Variants in FAM193A observed in about 807,000 individuals in gnomAD.
FAM193A encodes family with sequence similarity 193 member A, also known as protein FAM193A.
Under a neutral mutation model 126.5 loss-of-function variants are expected in FAM193A, and 22 were observed. The observed-to-expected ratio is 0.17, with a 90% CI of 0.12 to 0.25. FAM193A has a LOEUF of 0.25. Ranked by LOEUF, FAM193A falls within the 10% of genes least tolerant of loss-of-function variation. The pLI is 1.00. For missense variants in FAM193A, 1,675 were observed against 1,672.8 expected, an observed-to-expected ratio of 1.00 and a Z score of -0.02; for synonymous variants, 761 against 646.8, an observed-to-expected ratio of 1.18 and a Z score of -2.68.
intron 2 of FAM193A, among the ~76,000 whole-genome samples, chr4:2,602,959 C>A (rs999564288): frequency 2.4e-5 from 1 of 42,292 alleles, no homozygotes; most frequent in African/African-American, 1.2e-4. Flanking sequence ...TGCACCCGGC[C>A]TTTTTTTTTT....
At chr4:2,596,368 T>C (rs1577054536) in intron 2 of FAM193A, 39 bp downstream of exon 2, 4 of 690,542 alleles carry the variant, frequency 5.8e-6, no homozygotes, top group African/African-American at 1.8e-5. Context: ...GGGCGTTGGC[T>C]CCCCCCGCCC....
intron 1 of FAM193A, among the ~76,000 whole-genome samples, chr4:2,545,937 C>T (rs1737518431): frequency 6.6e-6 from 1 of 152,088 alleles, no homozygotes; most frequent in East Asian, 1.9e-4. Context: ...ATTATGAGGT[C>T]AGGAGTTTGA....
chr4:2,657,779 CTGTTTTTTA>C lies in FAM193A; in HGVS notation c.1312-23_1312-15del. The C allele has an allele frequency of 6.5e-7, 1 of 1,535,484 alleles. No homozygotes were observed. Among genetic ancestry groups the C allele is most frequent in the Non-Finnish European group, 8.8e-7 (1 of 1,134,812 alleles). ...AGGTATTAAAGTTTTTCTTTTTTTT[CTGTTTTTTA>C]CATCCCCTTACTAGATGACAATGAA... On this transcript the variant is annotated splice_polypyrimidine_tract_variant and intron_variant, in intron 7 of 20. Coordinates refer to ENST00000637812, the MANE Select transcript of FAM193A (RefSeq NM_001366318.2).
At chr4:2,708,705 T>C (rs1342904485) in intron 19 of FAM193A, among the ~76,000 whole-genome samples, 13 of 152,068 alleles carry the variant, frequency 8.5e-5, no homozygotes, top group African/African-American at 3.1e-4. Context: ...TCAAGTGATC[T>C]GCCCTCCTTG....
intron 2 of FAM193A, among the ~76,000 whole-genome samples, chr4:2,617,783 A>G (rs1742301495): frequency 1.3e-5 from 2 of 152,144 alleles, no homozygotes; most frequent in East Asian, 1.9e-4. Flanking sequence ...TCTTACATGT[A>G]TTATACACCT....
chr4:2,597,460 C>T (rs1417535929), intron 2 of FAM193A, among the ~76,000 whole-genome samples: 1 of 152,168 alleles, frequency 6.6e-6, no homozygotes, highest in Non-Finnish European at 1.5e-5. Context: ...GTATTTTAGC[C>T]TGCCTCTGCC....
At chr4:2,652,381 G>T (rs957416802) in intron 7 of FAM193A, among the ~76,000 whole-genome samples, 1 of 152,168 alleles carries the variant, frequency 6.6e-6, no homozygotes, top group African/African-American at 2.4e-5. Context: ...TGGTGTATTA[G>T]TCCATTCTTG....
chr4:2,658,891 C>T (rs1473595355), intron 8 of FAM193A, among the ~76,000 whole-genome samples: 1 of 152,204 alleles, frequency 6.6e-6, no homozygotes, highest in Admixed American at 6.5e-5. Flanking sequence ...GCTGGGATTA[C>T]AGGTGCCAGC....
At chr4:2,635,030 T>A (rs1177014646) in intron 5 of FAM193A, among the ~76,000 whole-genome samples, 1 of 152,242 alleles carries the variant, frequency 6.6e-6, no homozygotes, top group Non-Finnish European at 1.5e-5. Context: ...GTGCTTTTTG[T>A]CTTAGAATAT....
At chr4:2,651,633 G>A (rs1745677886) in intron 7 of FAM193A, among the ~76,000 whole-genome samples, 1 of 152,170 alleles carries the variant, frequency 6.6e-6, no homozygotes, top group Admixed American at 6.5e-5. Flanking sequence ...GACATGTGGG[G>A]ATTACAGTTT....
intron 13 of FAM193A, among the ~76,000 whole-genome samples, chr4:2,683,796 C>A (rs367806139): frequency 1.3e-5 from 2 of 152,220 alleles, no homozygotes; most frequent in East Asian, 3.8e-4. Context: ...GGTGTTATAT[C>A]TTTCGAAACT....
intron 1 of FAM193A, among the ~76,000 whole-genome samples, chr4:2,589,584 T>C (rs1192536041): frequency 6.6e-6 from 1 of 152,230 alleles, no homozygotes; most frequent in Non-Finnish European, 1.5e-5. Context: ...CAGAAATTAT[T>C]TATCACAGAG....
intron 1 of FAM193A, among the ~76,000 whole-genome samples, chr4:2,577,460 T>A: frequency 7.0e-6 from 1 of 142,594 alleles, no homozygotes; most frequent in Non-Finnish European, 1.5e-5. Context: ...AGTCTGTCAC[T>A]CAAGCTGGAG....
chr4:2,688,947 A>G (rs1478593004), intron 13 of FAM193A, among the ~76,000 whole-genome samples: 3 of 152,266 alleles, frequency 2.0e-5, no homozygotes, highest in Non-Finnish European at 4.4e-5. Context: ...GGTGCCTTCA[A>G]CAATGGTCTG....
intron 2 of FAM193A, among the ~76,000 whole-genome samples, chr4:2,622,257 C>CAAAAAAAAAAAAAA (rs71178493): frequency 5.4e-5 from 3 of 55,546 alleles, no homozygotes; most frequent in African/African-American, 2.0e-4. Flanking sequence ...ACCCTGTCTC[C>CAAAAAAAAAAAAAA]AAAAAAAAAA....
chr4:2,541,446 C>CT (rs576194070), intron 1 of FAM193A, among the ~76,000 whole-genome samples: 4,040 of 137,820 alleles, frequency 0.029, 206 homozygotes, highest in African/African-American at 0.089. Context: ...TCATTGTGTA[C>CT]TTTTTTTTTT....
chr4:2,674,510 G>A (rs549922651), intron 13 of FAM193A, among the ~76,000 whole-genome samples: 2 of 152,196 alleles, frequency 1.3e-5, no homozygotes, highest in Non-Finnish European at 2.9e-5. Flanking sequence ...GGTGCTGAAC[G>A]TGGAGGGGGC....
Position 2,663,381 on chromosome 4 carries a change from T to A in FAM193A, c.2079+93T>A, listed in dbSNP as rs1712717644. 1.6e-5 allele frequency: 17 copies of A among 1,037,576 alleles called. No homozygotes were observed. The East Asian group carries it at 4.6e-4, about 28-fold the overall frequency. 64.3% of individuals were successfully genotyped at this position (1,037,576 alleles called of 1,614,324 possible). ...TTACTGAATACAAAATTATTTTGTT[T>A]CCCATAATTTCTGAAGGTTAGAACT... is the stretch of plus-strand genomic sequence containing the variant. On this transcript the variant is annotated intron_variant, in intron 12 of 20. Coordinates refer to ENST00000637812, the MANE Select transcript of FAM193A (RefSeq NM_001366318.2).
rs772058091 is a variant in FAM193A, at chr4:2,659,815, T to G, written c.1506T>G (p.Cys502Trp). The change falls in exon 10 of 21, where the codon TGT (cysteine) becomes TGG (tryptophan). Residue 502 changes from cysteine (C) to tryptophan (W), a missense_variant. Transcript: ENST00000637812. Reference protein sequence around the residue: ...DCPNCNYRRRCACDDCSLSHI... With the variant: ...DCPNCNYRRRWACDDCSLSHI... ...ACTGTCCTTAATTCCTGATCAGATG[T>G]GCTTGCGATGACTGCAGTCTCTCAC... 1.9e-6 allele frequency: 3 copies of G among 1,614,154 alleles called. No homozygotes were observed. Among genetic ancestry groups the G allele is most frequent in the Non-Finnish European group, 2.5e-6 (3 of 1,180,040 alleles).
Sources: gnomAD v4.1 joint callset for allele counts (sites outside exome capture counted in the v4.1 genomes callset) on GRCh38, gnomAD v4.1.1 for gene constraint, MANE v1.5 for transcripts, NCBI Gene and HGNC (gene_info 2026-07-23, HGNC 2026-07-21) for gene names.